The following CHN2 variants were observed in gnomAD, a reference collection of about 807,000 sequenced individuals.
The protein encoded by CHN2 is chimerin 2, also known as beta-chimaerin.
CHN2 carries 35 observed loss-of-function variants against 56.3 expected under a neutral mutation model. That is an observed-to-expected ratio of 0.62 (90% CI 0.47 to 0.82). The LOEUF is 0.82. Ranked by LOEUF, CHN2 falls within the 40% of genes least tolerant of loss-of-function variation. CHN2 has a pLI of 0.00. For synonymous variants in CHN2, 210 were observed against 212.8 expected, an observed-to-expected ratio of 0.99 and a Z score of 0.12; for missense variants, 491 against 580.5, an observed-to-expected ratio of 0.85 and a Z score of 1.58.
At chr7:29,346,959 C>G (rs988406475) in intron 1 of CHN2, among the ~76,000 whole-genome samples, 2 of 152,170 alleles carry the variant, frequency 1.3e-5, no homozygotes, top group Non-Finnish European at 2.9e-5. Flanking sequence ...CAGCTGCAGC[C>G]ATCCAAACGT....
At chr7:29,457,426 C>T (rs936202952) in intron 6 of CHN2, among the ~76,000 whole-genome samples, 1 of 152,160 alleles carries the variant, frequency 6.6e-6, no homozygotes, top group Non-Finnish European at 1.5e-5. Context: ...CCTCTGCAAG[C>T]CCCATTTGAT....
chr7:29,278,966 C>T (rs572417183), intron 1 of CHN2, among the ~76,000 whole-genome samples: 2 of 151,758 alleles, frequency 1.3e-5, no homozygotes, highest in South Asian at 4.2e-4. Context: ...CTGTCTCCCT[C>T]CAGAGGAAGT....
intron 1 of CHN2, among the ~76,000 whole-genome samples, chr7:29,206,461 T>C (rs1784526136): frequency 6.6e-6 from 1 of 152,154 alleles, no homozygotes; most frequent in African/African-American, 2.4e-5. Flanking sequence ...TTTGTATTTT[T>C]AGTAGAGACA....
intron 2 of CHN2, among the ~76,000 whole-genome samples, chr7:29,156,553 G>T (rs1794402092): frequency 6.6e-6 from 1 of 152,166 alleles, no homozygotes; most frequent in African/African-American, 2.4e-5. Context: ...TTGCCCTGAG[G>T]CATCTGAAGG....
intron 1 of CHN2, among the ~76,000 whole-genome samples, chr7:29,286,712 C>T (rs1485226587): frequency 6.6e-6 from 1 of 152,174 alleles, no homozygotes; most frequent in Non-Finnish European, 1.5e-5. Context: ...AGTGGAGATG[C>T]TGTGATTCCA....
intron 1 of CHN2, among the ~76,000 whole-genome samples, chr7:29,314,873 A>G (rs1167777873): frequency 2.0e-5 from 3 of 151,074 alleles, no homozygotes; most frequent in Non-Finnish European, 3.0e-5. Context: ...TTTGTTTTAT[A>G]TATATATATA....
Position 29,495,965 on chromosome 7 carries a change from G to A in CHN2, c.668G>A (p.Arg223Gln), listed in dbSNP as rs1395640325. ...TTTGGATCACAGGTCCACACGTTCCGAGGCCCACACTGGTGTGAATATTGT... is the reference window on the plus strand; with the variant it reads ...TTTGGATCACAGGTCCACACGTTCCAAGGCCCACACTGGTGTGAATATTGT... ...KTHNFKVHTF[R>Q]GPHWCEYCAN... The change falls in exon 8 of 13, where the codon CGA becomes CAA. Residue 223 changes from arginine to glutamine, a missense_variant. Physicochemically the swap from Arg to Gln is conservative, Grantham distance 43 (BLOSUM62 1). Coordinates refer to ENST00000222792, the MANE Select transcript of CHN2 (RefSeq NM_004067.4). 3.7e-6 allele frequency: 6 copies of A among 1,613,198 alleles called. No individual in the cohort carries two copies. Among genetic ancestry groups the A allele is most frequent in the South Asian group, 2.2e-5 (2 of 90,804 alleles).
At chr7:29,249,823 A>T (rs1788353438) in intron 1 of CHN2, among the ~76,000 whole-genome samples, 1 of 152,244 alleles carries the variant, frequency 6.6e-6, no homozygotes, top group South Asian at 2.1e-4. Flanking sequence ...ATAAGGAAAA[A>T]ATAGGAAAGA....
chr7:29,404,512 T>C (rs1802474555), intron 6 of CHN2, among the ~76,000 whole-genome samples: 1 of 152,090 alleles, frequency 6.6e-6, no homozygotes, highest in Non-Finnish European at 1.5e-5. Context: ...TGTCCATCAA[T>C]TTGAGACTGC....
chr7:29,261,267 G>A (rs982568279), intron 1 of CHN2, among the ~76,000 whole-genome samples: 8 of 152,216 alleles, frequency 5.3e-5, no homozygotes, highest in South Asian at 2.1e-4. Flanking sequence ...CTTAATGACC[G>A]GCGGAGGGGG....
intron 6 of CHN2, among the ~76,000 whole-genome samples, chr7:29,442,324 A>G (rs3828983): frequency 0.056 from 8,559 of 152,246 alleles, 411 homozygotes; most frequent in East Asian, 0.27. Context: ...GTGGCCTAAA[A>G]GCTATAGTGG....
intron 8 of CHN2, among the ~76,000 whole-genome samples, chr7:29,497,640 C>T (rs1285452222): frequency 6.6e-5 from 10 of 152,030 alleles, no homozygotes; most frequent in Admixed American, 6.5e-4. Context: ...TCTCAGCTTT[C>T]CATATATTAC....
chr7:29,213,049 TGCA>T, intron 1 of CHN2: 1 of 1,608,312 alleles, frequency 6.2e-7, no homozygotes, highest in Non-Finnish European at 8.5e-7. Context: ...TCTGCAGTCC[TGCA>T]TGCAGTTCCA....
intron 2 of CHN2, among the ~76,000 whole-genome samples, chr7:29,166,703 A>G (rs1795964804): frequency 6.6e-6 from 1 of 151,600 alleles, no homozygotes; most frequent in Non-Finnish European, 1.5e-5. Flanking sequence ...CTGTATTGGT[A>G]TCCTCTCTCT....
intron 2 of CHN2, among the ~76,000 whole-genome samples, chr7:29,364,966 A>G (rs1799029217): frequency 6.6e-6 from 1 of 152,168 alleles, no homozygotes; most frequent in Admixed American, 6.5e-5. Flanking sequence ...CTTAAAATGA[A>G]TGTGTACTCT....
intron 7 of CHN2, among the ~76,000 whole-genome samples, chr7:29,490,634 C>A (rs986860638): frequency 2.0e-5 from 3 of 152,114 alleles, no homozygotes; most frequent in Admixed American, 1.3e-4. Context: ...GACATCCTTC[C>A]CCCATTAATT....
intron 6 of CHN2, among the ~76,000 whole-genome samples, chr7:29,474,767 A>G (rs1786449792): frequency 6.6e-6 from 1 of 152,230 alleles, no homozygotes; most frequent in South Asian, 2.1e-4. Context: ...CCCTCCTTAA[A>G]ATGTAGCACT....
intron 7 of CHN2, among the ~76,000 whole-genome samples, chr7:29,488,526 TAAACAAAC>T (rs745641525): frequency 2.0e-5 from 3 of 152,012 alleles, no homozygotes; most frequent in East Asian, 1.9e-4. Context: ...ATAAAGTAGC[TAAACAAAC>T]AAACAAACAA....
At chr7:29,251,090 C>T (rs539827466) in intron 1 of CHN2, among the ~76,000 whole-genome samples, 180 of 152,280 alleles carry the variant, frequency 1.2e-3, no homozygotes, top group African/African-American at 4.2e-3. Context: ...AATAGAAATA[C>T]TAAAGTTAAT....
Sources: allele counts gnomAD v4.1 joint callset (sites outside exome capture counted in the v4.1 genomes callset), GRCh38; gene constraint gnomAD v4.1.1; transcripts MANE v1.5; gene names NCBI Gene and HGNC (gene_info 2026-07-23, HGNC 2026-07-21).